GLYAT: variants seen among roughly 807,000 people sequenced by gnomAD.
GLYAT encodes the protein glycine N-acyltransferase.
In GLYAT, 25 loss-of-function variants were observed where a neutral mutation model predicts 22.8. That is an observed-to-expected ratio of 1.09 (90% confidence interval 0.80 to 1.53). The LOEUF (loss-of-function observed/expected upper bound fraction) is 1.53. Ranked by LOEUF, GLYAT falls within the 40% of genes most tolerant of loss-of-function variation. The pLI, the probability that GLYAT is intolerant of heterozygous loss-of-function variation, is 0.00. For missense variants in GLYAT, 411 were observed against 353.9 expected, an observed-to-expected ratio of 1.16 and a Z score of -1.29; for synonymous variants, 140 against 122.7, an observed-to-expected ratio of 1.14 and a Z score of -0.93.
chr11:58,712,164 C>T (rs960531836), intron 4 of GLYAT, among the ~76,000 whole-genome samples: 1 of 152,226 alleles, frequency 6.6e-6, no homozygotes, highest in Non-Finnish European at 1.5e-5. Context: ...GTTTGCTATG[C>T]AGCAAACATT....
chr11:58,715,477 G>T, intron 2 of GLYAT, 54 bp from the exon 3 acceptor site: 3 of 809,156 alleles, frequency 3.7e-6, no homozygotes, highest in South Asian at 2.9e-5. Flanking sequence ...AAACAGTAAA[G>T]TTTCTTGCTT....
At chr11:58,731,688 G>A (rs1856873425) in intron 1 of GLYAT, 147 bp downstream of exon 1, 1 of 152,190 alleles carries the variant, frequency 6.6e-6, no homozygotes, top group Admixed American at 6.5e-5. Flanking sequence ...TTTTGTCGTT[G>A]TTTTTATGTA....
intron 1 of GLYAT, among the ~76,000 whole-genome samples, chr11:58,725,777 A>G (rs1360465978): frequency 2.0e-5 from 3 of 152,120 alleles, no homozygotes; most frequent in Admixed American, 1.3e-4. Context: ...ACTGAGTTTT[A>G]TATGTAGGCA....
rs1856576441 is a variant in GLYAT at position 58,709,086 on chromosome 11, C to T, written c.*680G>A. The T allele has an allele frequency of 6.6e-6, 1 of 152,106 alleles. No homozygotes were observed. Among genetic ancestry groups the T allele is most frequent in the Non-Finnish European group, 1.5e-5 (1 of 67,996 alleles). 9.4% of individuals were successfully genotyped at this position (152,106 alleles called of 1,614,324 possible). A position where few individuals can be genotyped will look rare whatever the true frequency, so the allele number is the denominator to read the frequency against. ...AAATTGTATACAGTCAAACACAAAA[C>T]TTTCTGTATTATTTAGGAGTTGTGG... On this transcript the variant is annotated 3_prime_UTR_variant, in exon 6 of 6. Coordinates refer to ENST00000344743, the MANE Select transcript of GLYAT (RefSeq NM_201648.3).
chr11:58,724,725 C>G (rs1463544828), intron 1 of GLYAT, among the ~76,000 whole-genome samples: 1 of 151,906 alleles, frequency 6.6e-6, no homozygotes, highest in Non-Finnish European at 1.5e-5. Context: ...TTGATGAATT[C>G]CAGCCATTAA....
chr11:58,731,705 A>G (rs2134501722), intron 1 of GLYAT, 130 bp downstream of exon 1: 1 of 152,322 alleles, frequency 6.6e-6, no homozygotes, highest in South Asian at 2.1e-4. Flanking sequence ...TGTAAAGAGC[A>G]GCTAAACTCC....
At chr11:58,727,053 G>A (rs1856818612) in intron 1 of GLYAT, among the ~76,000 whole-genome samples, 1 of 152,090 alleles carries the variant, frequency 6.6e-6, no homozygotes, top group African/African-American at 2.4e-5. Flanking sequence ...CCCTATGCAG[G>A]AGGACAAACT....
chr11:58,720,113 G>A (rs1272468693), intron 2 of GLYAT, among the ~76,000 whole-genome samples: 1 of 151,562 alleles, frequency 6.6e-6, no homozygotes, highest in Non-Finnish European at 1.5e-5. Flanking sequence ...TTTAGTCCTA[G>A]TCCCTTTTAC....
chr11:58,719,557 G>A (rs1856724046), intron 2 of GLYAT, among the ~76,000 whole-genome samples: 1 of 151,890 alleles, frequency 6.6e-6, no homozygotes, highest in African/African-American at 2.4e-5. Flanking sequence ...ACTCTTACAT[G>A]CCCAACTCCT....
At chr11:58,710,272 A>C in intron 5 of GLYAT, 104 bp from the exon 6 acceptor site, 1 of 1,463,814 alleles carries the variant, frequency 6.8e-7, no homozygotes, top group Non-Finnish European at 9.0e-7. Context: ...GAAATAACAA[A>C]TGTGAAGTCC....
intron 2 of GLYAT, among the ~76,000 whole-genome samples, chr11:58,716,012 G>C (rs1429719530): frequency 6.6e-6 from 1 of 152,106 alleles, no homozygotes; most frequent in Non-Finnish European, 1.5e-5. Flanking sequence ...ACTCTCTGGA[G>C]AGCTTAACTG....
At position 58,715,375 on chromosome 11, in the gene GLYAT, T is replaced by C; in HGVS notation, c.130A>G (p.Lys44Glu). 6.2e-7 allele frequency: 1 copy of C among 1,602,908 alleles called. No homozygotes were observed. Among genetic ancestry groups the C allele is most frequent in the Non-Finnish European group, 8.5e-7 (1 of 1,170,264 alleles). ...TCAGGCCACTTGTCCACCACAGCCT[T>C]CAGATTGAATGGATTTCCATGGTTT... is the stretch of plus-strand genomic sequence containing the variant. ...HINHGNPFNL[K>E]AVVDKWPDFN... Residue 44 changes from lysine to glutamate, a missense_variant, in exon 3 of 6, where the codon AAG (lysine) becomes GAG (glutamate). Lys to Glu is a moderately conservative substitution (Grantham distance 56). Coordinates refer to ENST00000344743, the MANE Select transcript of GLYAT (RefSeq NM_201648.3).
chr11:58,726,427 G>A (rs1856812572), intron 1 of GLYAT, among the ~76,000 whole-genome samples: 1 of 152,064 alleles, frequency 6.6e-6, no homozygotes, highest in Non-Finnish European at 1.5e-5. Context: ...GACAGGGGGA[G>A]GATTTCAATT....
At chr11:58,726,475 T>A (rs1489145838) in intron 1 of GLYAT, among the ~76,000 whole-genome samples, 1 of 152,060 alleles carries the variant, frequency 6.6e-6, no homozygotes, top group Non-Finnish European at 1.5e-5. Flanking sequence ...AGGGGTCCCC[T>A]GTAGAAGGGT....
chr11:58,728,889 A>AGAAAGAAAGAAGGAAGGAGGGAAGGAAG, intron 1 of GLYAT, among the ~76,000 whole-genome samples: 1 of 101,308 alleles, frequency 9.9e-6, no homozygotes, highest in African/African-American at 4.2e-5. Flanking sequence ...AAAGAAAGAA[A>AGAAAGAAAGAAGGAAGGAGGGAAGGAAG]GAAGGAAGGA....
At chr11:58,715,504 A>G (rs773903036) in intron 2 of GLYAT, 81 bp from the exon 3 acceptor site, 9 of 678,524 alleles carry the variant, frequency 1.3e-5, no homozygotes, top group Non-Finnish European at 1.8e-5. Flanking sequence ...GACAAAAATT[A>G]TTTCTATAAA....
intron 2 of GLYAT, among the ~76,000 whole-genome samples, chr11:58,717,641 A>C (rs1259295709): frequency 2.6e-5 from 4 of 152,098 alleles, no homozygotes; most frequent in African/African-American, 9.7e-5. Context: ...TGTAGAAAAT[A>C]ATAAAAATTG....
intron 2 of GLYAT, among the ~76,000 whole-genome samples, chr11:58,722,452 T>C (rs1253176979): frequency 1.3e-5 from 2 of 152,012 alleles, no homozygotes; most frequent in African/African-American, 4.8e-5. Flanking sequence ...TAAGAAGTAC[T>C]TTGGTTCGGT....
At chr11:58,730,085 T>TGA (rs1856857021) in intron 1 of GLYAT, among the ~76,000 whole-genome samples, 1 of 152,152 alleles carries the variant, frequency 6.6e-6, no homozygotes. Context: ...CACTGGGCAA[T>TGA]GAGTAGCATT....
Sources: gnomAD v4.1 joint callset for allele counts (sites outside exome capture counted in the v4.1 genomes callset) on GRCh38, gnomAD v4.1.1 for gene constraint, MANE v1.5 for transcripts, NCBI Gene and HGNC (gene_info 2026-07-23, HGNC 2026-07-21) for gene names.